The following THSD4 variants were observed in gnomAD, a reference collection of about 807,000 sequenced individuals.
THSD4 encodes the protein thrombospondin type 1 domain containing 4.
THSD4 carries 69 observed loss-of-function variants against 119.0 expected under a neutral mutation model. The observed-to-expected ratio is 0.58, with a 90% CI of 0.48 to 0.71. THSD4 has a LOEUF of 0.71. Among genes scored for constraint, THSD4 ranks in the 30% least tolerant of loss-of-function variants. The pLI is 0.00. For missense variants in THSD4, 1,393 were observed against 1,391.1 expected (o/e 1.00, Z -0.02); for synonymous variants, 524 against 540.4 (o/e 0.97, Z 0.42).
chr15:71,568,008 TATC>T (rs1468005535), intron 7 of THSD4, among the ~76,000 whole-genome samples: 1 of 152,184 alleles, frequency 6.6e-6, no homozygotes, highest in Non-Finnish European at 1.5e-5. Flanking sequence ...TACTTATTAT[TATC>T]CTGTTTGTGC....
intron 7 of THSD4, among the ~76,000 whole-genome samples, chr15:71,548,774 G>A (rs6494946): frequency 0.27 from 41,755 of 152,034 alleles, 6,140 homozygotes; most frequent in Middle Eastern, 0.44. Context: ...TGTGTAGAGT[G>A]AATGACAAAT....
intron 1 of THSD4, among the ~76,000 whole-genome samples, chr15:71,137,723 G>A (rs913578075): frequency 6.6e-6 from 1 of 152,112 alleles, no homozygotes; most frequent in Admixed American, 6.5e-5. Flanking sequence ...CTCATCAGCC[G>A]TATCCTGAGG....
chr15:71,100,522 A>C (rs2040249669), intron 1 of THSD4, among the ~76,000 whole-genome samples: 1 of 152,120 alleles, frequency 6.6e-6, no homozygotes, highest in African/African-American at 2.4e-5. Flanking sequence ...TACATGAAAG[A>C]CCCTGGGGCA....
chr15:71,608,179 C>A (rs935102569), intron 7 of THSD4, among the ~76,000 whole-genome samples: 1 of 146,638 alleles, frequency 6.8e-6, no homozygotes, highest in Non-Finnish European at 1.5e-5. Context: ...GCTGAGATCG[C>A]GCCACTATAC....
intron 7 of THSD4, among the ~76,000 whole-genome samples, chr15:71,590,668 T>G (rs1044243833): frequency 1.6e-4 from 25 of 152,016 alleles, no homozygotes; most frequent in Admixed American, 5.9e-4. Flanking sequence ...TGTTTACCTA[T>G]GTAACAAACA....
intron 7 of THSD4, among the ~76,000 whole-genome samples, chr15:71,637,500 C>A: frequency 6.6e-6 from 1 of 152,068 alleles, no homozygotes; most frequent in East Asian, 1.9e-4. Flanking sequence ...GAAGACCCCA[C>A]GTGCAGGGAA....
At chr15:71,331,909 C>T (rs1373522046) in intron 6 of THSD4, among the ~76,000 whole-genome samples, 1 of 138,184 alleles carries the variant, frequency 7.2e-6, no homozygotes, top group Non-Finnish European at 1.5e-5. Flanking sequence ...TTCTGTTTGT[C>T]AGCATCTTCC....
chr15:71,300,107 C>T (rs1225845989), intron 6 of THSD4, among the ~76,000 whole-genome samples: 8 of 150,526 alleles, frequency 5.3e-5, no homozygotes, highest in East Asian at 1.9e-4. Flanking sequence ...GCTATGACTG[C>T]GCCACTGACT....
At chr15:71,719,730 C>T (rs891958735) in intron 8 of THSD4, among the ~76,000 whole-genome samples, 4 of 152,194 alleles carry the variant, frequency 2.6e-5, no homozygotes, top group Non-Finnish European at 4.4e-5. Context: ...GGCTGGAGTA[C>T]GGTGGCACGA....
chr15:71,278,926 A>AC (rs1224554764), intron 6 of THSD4, among the ~76,000 whole-genome samples: 1 of 152,188 alleles, frequency 6.6e-6, no homozygotes, highest in Non-Finnish European at 1.5e-5. Context: ...AGTTTTGTCC[A>AC]GGGGATTGAA....
At chr15:71,489,727 TTTG>T (rs1345155277) in intron 7 of THSD4, among the ~76,000 whole-genome samples, 10 of 152,220 alleles carry the variant, frequency 6.6e-5, no homozygotes, top group Non-Finnish European at 1.2e-4. Flanking sequence ...GGTTTTTTCT[TTTG>T]TTCTCATTTT....
intron 3 of THSD4, chr15:71,185,480 T>G (rs2043589849): frequency 6.6e-6 from 1 of 150,738 alleles, no homozygotes; most frequent in Non-Finnish European, 1.5e-5. Flanking sequence ...CAATTTCTAT[T>G]ACAACCGTGG....
chr15:71,561,435 T>G (rs2049115242), intron 7 of THSD4, among the ~76,000 whole-genome samples: 1 of 152,186 alleles, frequency 6.6e-6, no homozygotes. Context: ...GGAGAAAGAT[T>G]CTTTATATAG....
At chr15:71,519,060 G>A (rs1251738929) in intron 7 of THSD4, among the ~76,000 whole-genome samples, 2 of 152,216 alleles carry the variant, frequency 1.3e-5, no homozygotes, top group Admixed American at 6.5e-5. Flanking sequence ...TGAATATGGG[G>A]CTGCTTTATG....
chr15:71,129,095 C>A (rs928263637), intron 1 of THSD4, among the ~76,000 whole-genome samples: 4 of 152,112 alleles, frequency 2.6e-5, no homozygotes, highest in Non-Finnish European at 4.4e-5. Flanking sequence ...GAGGCCCAGG[C>A]AAGCTTTGAG....
intron 8 of THSD4, among the ~76,000 whole-genome samples, chr15:71,670,174 T>C (rs923952082): frequency 2.6e-5 from 4 of 152,098 alleles, no homozygotes; most frequent in Non-Finnish European, 5.9e-5. Context: ...GTTGGTTTGC[T>C]GCACCCATTA....
chr15:71,662,195 G>A (rs969762825), intron 8 of THSD4, among the ~76,000 whole-genome samples: 12 of 152,030 alleles, frequency 7.9e-5, no homozygotes, highest in South Asian at 6.2e-4. Context: ...CTCCAGACTC[G>A]GGAACTCCAT....
intron 7 of THSD4, among the ~76,000 whole-genome samples, chr15:71,546,984 C>T (rs868241247): frequency 9.9e-5 from 15 of 152,202 alleles, no homozygotes; most frequent in African/African-American, 3.6e-4. Context: ...GCCCGGAGCT[C>T]ATCCTGCTGC....
chr15:71,585,903 C>T (rs865848590), intron 7 of THSD4, among the ~76,000 whole-genome samples: 2 of 151,936 alleles, frequency 1.3e-5, no homozygotes, highest in Admixed American at 1.3e-4. Flanking sequence ...TCAGTTCAGT[C>T]GTTGTATTAC....
Sources: gnomAD v4.1 joint callset for allele counts (sites outside exome capture counted in the v4.1 genomes callset) on GRCh38, gnomAD v4.1.1 for gene constraint, MANE v1.5 for transcripts, NCBI Gene and HGNC (gene_info 2026-07-23, HGNC 2026-07-21) for gene names.